Variants in LRP11 observed in about 807,000 individuals in gnomAD.
LRP11 encodes the protein low-density lipoprotein receptor-related protein 11.
LRP11 carries 25 observed loss-of-function variants against 43.1 expected under a neutral mutation model. That is an observed-to-expected ratio of 0.58 (90% CI 0.42 to 0.81). The LOEUF is 0.81. Ranked by LOEUF, LRP11 falls within the 30% of genes least tolerant of loss-of-function variation. The probability of loss-of-function intolerance (pLI) is 0.00; values close to 1 mark genes in which losing one functional copy is unlikely to be tolerated. For missense variants in LRP11, 623 were observed against 665.1 expected, an observed-to-expected ratio of 0.94 and a Z score of 0.70; for synonymous variants, 316 against 299.4, an observed-to-expected ratio of 1.06 and a Z score of -0.57.
Position 149,820,438 on chromosome 6 carries a change from G to T in LRP11, c.*111C>A. On this transcript the variant is annotated 3_prime_UTR_variant, in exon 7 of 7. Transcript: ENST00000239367. Reference sequence around the variant, plus strand: ...AATAAAGAAAGATTTGGGATTTGCAGAATCTTCTGGCCCAATTAAAAACAA... The same window carrying T: ...AATAAAGAAAGATTTGGGATTTGCATAATCTTCTGGCCCAATTAAAAACAA... 2.0e-6 allele frequency: 1 copy of T among 496,496 alleles called. No individual in the cohort carries two copies. The highest frequency in any genetic ancestry group is 3.9e-5 in the South Asian group (1 of 25,536). The allele number at this position is 496,496 out of a possible 1,614,324, so 30.8% of individuals were successfully genotyped here. A position where few individuals can be genotyped will look rare whatever the true frequency, so the allele number is the denominator to read the frequency against.
chr6:149,833,985 C>T (rs1434809140), intron 5 of LRP11, among the ~76,000 whole-genome samples: 1 of 152,106 alleles, frequency 6.6e-6, no homozygotes, highest in East Asian at 1.9e-4. Context: ...GTATTAAGCC[C>T]AGCATCCATT....
chr6:149,829,958 T>C (rs924689309), intron 5 of LRP11, among the ~76,000 whole-genome samples: 2 of 151,798 alleles, frequency 1.3e-5, no homozygotes, highest in African/African-American at 2.4e-5. Flanking sequence ...TATTTACATA[T>C]AATATCTCCT....
chr6:149,864,078 G>C lies in LRP11; in HGVS notation c.-58C>G. 2 of 1,246,978 alleles carry C rather than the reference G, an allele frequency of 1.6e-6. No homozygotes were observed. The highest frequency in any genetic ancestry group is 2.0e-6 in the Non-Finnish European group (2 of 997,904). 77.2% of individuals were successfully genotyped at this position (1,246,978 alleles called of 1,614,324 possible). ...GGGGCTGAGCGCGGGAGGAAGGCGG[G>C]GACGCGGGCGAGCGCGGGCCCTGGG... On this transcript the variant is annotated 5_prime_UTR_variant, in exon 1 of 7. Coordinates refer to ENST00000239367, the MANE Select transcript of LRP11 (RefSeq NM_032832.6).
intron 3 of LRP11, among the ~76,000 whole-genome samples, chr6:149,839,709 C>T (rs974560135): frequency 2.0e-5 from 3 of 152,154 alleles, no homozygotes; most frequent in South Asian, 2.1e-4. Flanking sequence ...GGCTGGAGTG[C>T]GGTGGCACAA....
At chr6:149,842,677 CT>C (rs1399553167) in intron 3 of LRP11, 4 of 1,551,118 alleles carry the variant, frequency 2.6e-6, no homozygotes, top group Non-Finnish European at 3.5e-6. Context: ...GACCATCCAT[CT>C]GTAAACAAAG....
chr6:149,843,722 T>A (rs1309566378), intron 2 of LRP11, among the ~76,000 whole-genome samples: 2 of 152,128 alleles, frequency 1.3e-5, no homozygotes, highest in Non-Finnish European at 2.9e-5. Flanking sequence ...ATAAAAAAAA[T>A]TCCCTGAGCT....
At chr6:149,842,195 T>G (rs946839106) in intron 3 of LRP11, among the ~76,000 whole-genome samples, 1 of 152,128 alleles carries the variant, frequency 6.6e-6, no homozygotes, top group Non-Finnish European at 1.5e-5. Flanking sequence ...ATATCAGCAA[T>G]TGATTACACC....
intron 2 of LRP11, among the ~76,000 whole-genome samples, chr6:149,849,421 T>TA (rs1297489319): frequency 6.6e-6 from 1 of 152,204 alleles, no homozygotes; most frequent in African/African-American, 2.4e-5. Flanking sequence ...ATCCAGTGGA[T>TA]AGCCTCTTGG....
intron 2 of LRP11, among the ~76,000 whole-genome samples, chr6:149,847,575 A>G (rs1466409964): frequency 1.3e-5 from 2 of 152,204 alleles, no homozygotes; most frequent in Non-Finnish European, 2.9e-5. Context: ...AAGTATCAGG[A>G]TAAAAAACTA....
At chr6:149,851,618 G>A (rs926667421) in intron 2 of LRP11, among the ~76,000 whole-genome samples, 18 of 152,332 alleles carry the variant, frequency 1.2e-4, no homozygotes, top group African/African-American at 3.6e-4. Flanking sequence ...AAGGGGAGGC[G>A]TAGCCTGCTT....
intron 5 of LRP11, among the ~76,000 whole-genome samples, chr6:149,834,496 G>A (rs1450542385): frequency 6.6e-6 from 1 of 152,250 alleles, no homozygotes; most frequent in Non-Finnish European, 1.5e-5. Flanking sequence ...CTCCACCACA[G>A]TAATGTGGTA....
Position 149,863,690 on chromosome 6 carries a change from G to A in LRP11, c.331C>T (p.Leu111=). The A allele has an allele frequency of 6.8e-7, 1 of 1,479,044 alleles. No homozygotes were observed. The highest frequency in any genetic ancestry group is 8.9e-7 in the Non-Finnish European group (1 of 1,121,956). The allele number at this position is 1,479,044 out of a possible 1,614,324, so 91.6% of individuals were successfully genotyped here. A position where few individuals can be genotyped will look rare whatever the true frequency, so the allele number is the denominator to read the frequency against. ...CGCAGGAAGCTGGCACCCGCCGCCA[G>A]GGAGTCCTTGGTGCGGATGATGGCG... ...PDAIIRTKDS[L]AAGASFLRAP... is the part of the protein sequence containing the mutation. The change falls in exon 1 of 7, where the codon CTG becomes TTG. Residue 111 remains leucine (L), a synonymous_variant. Coordinates refer to ENST00000239367, the MANE Select transcript of LRP11 (RefSeq NM_032832.6).
chr6:149,829,255 A>G (rs1044774453), intron 5 of LRP11, among the ~76,000 whole-genome samples: 6 of 152,076 alleles, frequency 3.9e-5, no homozygotes, highest in Admixed American at 1.3e-4. Flanking sequence ...CTCAAGTCCT[A>G]CTTTTTAAAA....
In LRP11 at chr6:149,843,108, G is replaced by A; in HGVS notation, c.788C>T (p.Thr263Ile). ...SVDMKVPQSG[T>I]LKLSHLQEGT... ...CTCCTGTAGGTGGGACAGCTTCAGG[G>A]TTCCTGATTGAGGCACCTGCCACAC... The change falls in exon 3 of 7, where the codon ACC becomes ATC. Residue 263 changes from threonine (T) to isoleucine (I), a missense_variant. Coordinates refer to ENST00000239367, the MANE Select transcript of LRP11 (RefSeq NM_032832.6). 6.2e-7 allele frequency: 1 copy of A among 1,614,178 alleles called. No individual in the cohort carries two copies.
At chr6:149,853,803 C>T (rs1023304416) in intron 1 of LRP11, among the ~76,000 whole-genome samples, 4 of 152,174 alleles carry the variant, frequency 2.6e-5, no homozygotes, top group Admixed American at 1.3e-4. Context: ...TGAGCCACTG[C>T]GCCTGGCCTT....
rs537248206 is a variant in LRP11 at position 149,827,970 on chromosome 6, C to G, written c.1253-1611G>C. Reference sequence around the variant, plus strand: ...CCTGGAGGCGGAGCTTGCAGTGAGCCGAGATCGCGCCACTGCACTCCAGCC... The same window carrying G: ...CCTGGAGGCGGAGCTTGCAGTGAGCGGAGATCGCGCCACTGCACTCCAGCC... On this transcript the variant is annotated intron_variant, in intron 5 of 6. Coordinates refer to ENST00000239367, the MANE Select transcript of LRP11 (RefSeq NM_032832.6). This position sits in a 1 kb window ranked among gnomAD's most constrained non-coding sequence, Gnocchi z 4.2. 2.0e-5 allele frequency among the ~76,000 whole-genome samples: 3 copies of G among 147,978 alleles called. No individual in the cohort carries two copies. The highest frequency in any genetic ancestry group is 3.0e-5 in the Non-Finnish European group (2 of 67,578).
intron 1 of LRP11, 92 bp from the exon 2 acceptor site, chr6:149,853,252 G>T: frequency 1.0e-6 from 1 of 953,436 alleles, no homozygotes; most frequent in Non-Finnish European, 1.5e-6. Context: ...GATATGATTC[G>T]GCAAATAACT....
At chr6:149,860,652 A>G (rs938890761) in intron 1 of LRP11, among the ~76,000 whole-genome samples, 4 of 152,128 alleles carry the variant, frequency 2.6e-5, no homozygotes, top group Non-Finnish European at 5.9e-5. Context: ...CAGAACTTCA[A>G]GCACCCTCCT....
intron 3 of LRP11, among the ~76,000 whole-genome samples, chr6:149,838,381 T>A (rs779783964): frequency 2.2e-4 from 33 of 151,940 alleles, no homozygotes; most frequent in Non-Finnish European, 4.3e-4. Flanking sequence ...GGCATGAATT[T>A]AGTTTCATGA....
Sources: gnomAD v4.1 joint callset for allele counts (sites outside exome capture counted in the v4.1 genomes callset) on GRCh38, gnomAD v4.1.1 for gene constraint, Gnocchi (gnomAD v3.1) non-coding constraint, MANE v1.5 for transcripts, NCBI Gene and HGNC (gene_info 2026-07-23, HGNC 2026-07-21) for gene names.